SMYD3: variants seen among roughly 807,000 people sequenced by gnomAD.
SMYD3 encodes SET and MYND domain containing 3, also known as histone-lysine N-methyltransferase SMYD3.
A neutral mutation model predicts 57.7 loss-of-function variants in SMYD3; 36 were observed. The observed-to-expected ratio is 0.62, with a 90% CI of 0.48 to 0.82. SMYD3 has a LOEUF of 0.82. Ranked by LOEUF, SMYD3 falls within the 40% of genes least tolerant of loss-of-function variation. The pLI, the probability that SMYD3 is intolerant of heterozygous loss-of-function variation, is 0.00. For synonymous variants in SMYD3, 211 were observed against 195.0 expected, an observed-to-expected ratio of 1.08 and a Z score of -0.68; for missense variants, 515 against 538.8, an observed-to-expected ratio of 0.96 and a Z score of 0.44.
chr1:245,890,023 T>C (rs2053294101), intron 8 of SMYD3, among the ~76,000 whole-genome samples: 1 of 151,236 alleles, frequency 6.6e-6, no homozygotes, highest in South Asian at 2.1e-4. Context: ...CCGGGAAAAC[T>C]GGATGTGCAG....
chr1:246,198,604 G>A (rs1325892824), intron 5 of SMYD3, among the ~76,000 whole-genome samples: 1 of 152,114 alleles, frequency 6.6e-6, no homozygotes, highest in Non-Finnish European at 1.5e-5. Flanking sequence ...AATTGCAGTG[G>A]CTTTTTTACT....
intron 10 of SMYD3, among the ~76,000 whole-genome samples, chr1:245,837,705 ACT>A (rs2050173291): frequency 6.6e-6 from 1 of 151,970 alleles, no homozygotes; most frequent in Admixed American, 6.6e-5. Flanking sequence ...GTCTTTGGAA[ACT>A]CAGCCCGAGA....
intron 5 of SMYD3, among the ~76,000 whole-genome samples, chr1:246,017,254 A>G (rs1430826689): frequency 6.6e-6 from 1 of 152,230 alleles, no homozygotes; most frequent in African/African-American, 2.4e-5. Flanking sequence ...TTTGAAAGTT[A>G]GTTGCCAACA....
chr1:246,494,783 G>A (rs1297350287), intron 1 of SMYD3, among the ~76,000 whole-genome samples: 2 of 152,176 alleles, frequency 1.3e-5, no homozygotes, highest in African/African-American at 4.8e-5. Context: ...TCATAACCAT[G>A]CCAATTAAAA....
intron 5 of SMYD3, among the ~76,000 whole-genome samples, chr1:246,015,737 G>C (rs2059365542): frequency 6.6e-6 from 1 of 152,110 alleles, no homozygotes. Flanking sequence ...TGTCTTCAAG[G>C]TTCACCCATG....
At chr1:245,894,754 A>G (rs4654065) in intron 8 of SMYD3, among the ~76,000 whole-genome samples, 151,962 of 152,346 alleles carry the variant, frequency 1, 75,793 homozygotes, top group Middle Eastern at 1. Context: ...GTACACAAGA[A>G]CACATACTCT....
chr1:245,960,241 A>G (rs891914014), intron 5 of SMYD3, among the ~76,000 whole-genome samples: 3 of 152,248 alleles, frequency 2.0e-5, no homozygotes, highest in African/African-American at 7.2e-5. Context: ...GATCTGTGAT[A>G]TGTAATCATT....
chr1:245,839,571 CAT>C (rs145571210), intron 10 of SMYD3, among the ~76,000 whole-genome samples: 1,590 of 152,052 alleles, frequency 0.01, 33 homozygotes, highest in African/African-American at 0.037. Flanking sequence ...AGCCAAGGAG[CAT>C]AGTTTTCTGG....
chr1:246,178,397 C>G (rs1314746312), intron 5 of SMYD3, among the ~76,000 whole-genome samples: 1 of 152,182 alleles, frequency 6.6e-6, no homozygotes, highest in South Asian at 2.1e-4. Flanking sequence ...TTTTAAATCT[C>G]CTAGACCGGG....
intron 8 of SMYD3, among the ~76,000 whole-genome samples, chr1:245,912,481 T>G (rs2055067109): frequency 6.6e-6 from 1 of 152,096 alleles, no homozygotes; most frequent in African/African-American, 2.4e-5. Context: ...ACCAACGATA[T>G]TCTTCAAGAA....
intron 5 of SMYD3, among the ~76,000 whole-genome samples, chr1:246,229,251 A>C (rs2063374020): frequency 6.6e-6 from 1 of 152,088 alleles, no homozygotes; most frequent in Non-Finnish European, 1.5e-5. Context: ...TTTGTTCCTC[A>C]TCTTATCATC....
rs544546743 is a variant in SMYD3, at chr1:245,756,478, CTTTCT to C, written c.1186-6819_1186-6815del. Among the ~76,000 whole-genome samples the C allele has an allele frequency of 5.3e-5, 8 of 152,108 alleles. No homozygotes were observed. In the South Asian group the frequency reaches 1.2e-3, roughly 24 times the overall value. ...TTCTTCTTTCCTGATGTTCCAAGAG[CTTTCT>C]TTTATCATTTTCTTTCTGTTTAGAG... On this transcript the variant is annotated intron_variant, in intron 11 of 11. Coordinates refer to ENST00000490107, the MANE Select transcript of SMYD3 (RefSeq NM_001167740.2).
chr1:246,181,792 G>C (rs1442176524), intron 5 of SMYD3, among the ~76,000 whole-genome samples: 1 of 152,164 alleles, frequency 6.6e-6, no homozygotes, highest in Non-Finnish European at 1.5e-5. Context: ...GCACCAGTGG[G>C]CTAACATATC....
intron 10 of SMYD3, among the ~76,000 whole-genome samples, chr1:245,808,635 T>C (rs952328504): frequency 6.6e-6 from 1 of 152,124 alleles, no homozygotes; most frequent in Non-Finnish European, 1.5e-5. Context: ...GCTCTTGAGG[T>C]TTGCCTGTTG....
At chr1:245,860,421 T>A (rs2051475806) in intron 9 of SMYD3, among the ~76,000 whole-genome samples, 1 of 152,182 alleles carries the variant, frequency 6.6e-6, no homozygotes, top group South Asian at 2.1e-4. Flanking sequence ...ATCAAGCCAC[T>A]CCTGAGAGTG....
chr1:246,127,041 G>A (rs931062887), intron 5 of SMYD3, among the ~76,000 whole-genome samples: 4 of 151,868 alleles, frequency 2.6e-5, no homozygotes, highest in East Asian at 1.9e-4. Context: ...CAGAGAAACC[G>A]TAGAGAGCGG....
intron 5 of SMYD3, among the ~76,000 whole-genome samples, chr1:246,072,348 G>A (rs77557013): frequency 3.1e-5 from 2 of 64,758 alleles, no homozygotes; most frequent in Admixed American, 1.9e-4. Flanking sequence ...TCGCTGCATC[G>A]TGTTAGTTCT....
chr1:245,808,195 C>T (rs775241846), intron 10 of SMYD3, among the ~76,000 whole-genome samples: 6 of 152,160 alleles, frequency 3.9e-5, no homozygotes, highest in Non-Finnish European at 5.9e-5. Context: ...AGCAGATAAA[C>T]GCCCTTGGCT....
intron 7 of SMYD3, among the ~76,000 whole-genome samples, chr1:245,917,039 A>AAC (rs933144558): frequency 4.6e-5 from 7 of 151,358 alleles, no homozygotes; most frequent in African/African-American, 1.7e-4. Context: ...GGCTTTAAAA[A>AAC]AAAAAAAAAA....
Sources: gnomAD v4.1 joint callset for allele counts (sites outside exome capture counted in the v4.1 genomes callset) on GRCh38, gnomAD v4.1.1 for gene constraint, MANE v1.5 for transcripts, NCBI Gene and HGNC (gene_info 2026-07-23, HGNC 2026-07-21) for gene names.